ERMP1: variants seen among roughly 807,000 people sequenced by gnomAD.
ERMP1 encodes the protein Felix-ina.
In ERMP1, 86 loss-of-function variants were observed where a neutral mutation model predicts 92.0. The ratio of observed to expected loss-of-function variants is 0.93; its 90% CI spans 0.79 to 1.12. The LOEUF is 1.12. ERMP1 is among the 50% of genes most tolerant of loss of function. The probability of loss-of-function intolerance (pLI) is 0.00; values close to 1 mark genes in which losing one functional copy is unlikely to be tolerated. For missense variants in ERMP1, 1,342 were observed against 1,116.3 expected (o/e 1.20, Z -2.88); for synonymous variants, 530 against 412.8 (o/e 1.28, Z -3.44).
rs1829077194 is a variant in ERMP1 at position 5,811,191 on chromosome 9, A to G, written c.1247T>C (p.Ile416Thr). 6.2e-7 allele frequency: 1 copy of G among 1,614,140 alleles called. No homozygotes were observed. Among genetic ancestry groups the G allele is most frequent in the Admixed American group, 1.7e-5 (1 of 60,028 alleles). The stretch of plus-strand genomic sequence containing the variant: ...CACCATGTAGTTTATGATTGAGCCA[A>G]TACGAGAGGGGTAGGCAATGACAAA... ...GLFVIAYPSRIGSIINYMVVM... is the reference protein window; with the variant it reads ...GLFVIAYPSRTGSIINYMVVM... The change falls in exon 7 of 15, where the codon ATT becomes ACT. Residue 416 changes from isoleucine to threonine, a missense_variant. Coordinates refer to ENST00000339450, the MANE Select transcript of ERMP1 (RefSeq NM_024896.3).
intron 4 of ERMP1, 99 bp from the exon 5 acceptor site, chr9:5,813,134 T>C (rs1316473224): frequency 1.6e-6 from 2 of 1,283,296 alleles, no homozygotes; most frequent in African/African-American, 3.0e-5. Flanking sequence ...AGTGGTGGTT[T>C]TGGGAGACGG....
chr9:5,865,769 A>G (rs1412152095), intron 5 of ERMP1, among the ~76,000 whole-genome samples: 1 of 143,662 alleles, frequency 7.0e-6, no homozygotes, highest in East Asian at 2.2e-4. Flanking sequence ...AACTGGGAGG[A>G]GGAGGTTGCA....
intron 6 of ERMP1, among the ~76,000 whole-genome samples, chr9:5,851,343 A>G (rs1392448127): frequency 6.6e-6 from 1 of 152,166 alleles, no homozygotes; most frequent in African/African-American, 2.4e-5. Flanking sequence ...TTACAGAGAA[A>G]TGTCCTTTTT....
At chr9:5,816,600 T>C (rs1829315792) in intron 4 of ERMP1, among the ~76,000 whole-genome samples, 1 of 152,206 alleles carries the variant, frequency 6.6e-6, no homozygotes, top group Non-Finnish European at 1.5e-5. Context: ...ACACATCTTA[T>C]GACCCAGCGA....
intron 6 of ERMP1, among the ~76,000 whole-genome samples, chr9:5,850,696 T>G (rs948034826): frequency 4.6e-5 from 7 of 152,134 alleles, no homozygotes; most frequent in South Asian, 2.1e-4. Context: ...TTCAGTTAAT[T>G]TGGATGGTGC....
chr9:5,842,802 C>G (rs952679554), intron 6 of ERMP1, among the ~76,000 whole-genome samples: 1 of 152,228 alleles, frequency 6.6e-6, no homozygotes, highest in Non-Finnish European at 1.5e-5. Context: ...ATCAGGATTT[C>G]TGATCTCCGT....
At chr9:5,800,791 T>C (rs780675123) in intron 11 of ERMP1, among the ~76,000 whole-genome samples, 1 of 152,260 alleles carries the variant, frequency 6.6e-6, no homozygotes. Context: ...TTACTAGCAC[T>C]TCTAAACATC....
At chr9:5,805,266 G>A in intron 9 of ERMP1, 49 bp from the exon 10 acceptor site, 2 of 1,433,848 alleles carry the variant, frequency 1.4e-6, no homozygotes, top group Non-Finnish European at 9.5e-7. Flanking sequence ...CCTCCAGTGA[G>A]ATATAAATTT....
At chr9:5,793,395 CA>C (rs1356164277) in intron 13 of ERMP1, among the ~76,000 whole-genome samples, 34 of 151,666 alleles carry the variant, frequency 2.2e-4, no homozygotes. Flanking sequence ...GAAGAAAAAA[CA>C]AGGGCAACAA....
chr9:5,832,635 T>G, intron 1 of ERMP1, 55 bp downstream of exon 1: 1 of 1,310,078 alleles, frequency 7.6e-7, no homozygotes, highest in Non-Finnish European at 9.8e-7. Flanking sequence ...CCCCGGAGCC[T>G]GCGCAGGAGC....
At chr9:5,800,981 G>A (rs1828647141) in intron 11 of ERMP1, among the ~76,000 whole-genome samples, 195 bp downstream of exon 11, 1 of 152,148 alleles carries the variant, frequency 6.6e-6, no homozygotes, top group Non-Finnish European at 1.5e-5. Context: ...CAGTCTCCTG[G>A]GAGATATATG....
intron 10 of ERMP1, among the ~76,000 whole-genome samples, chr9:5,801,749 T>C (rs1317627456): frequency 6.6e-6 from 1 of 152,260 alleles, no homozygotes; most frequent in East Asian, 1.9e-4. Context: ...CTTTAAAATA[T>C]GTCAAAATAC....
intron 6 of ERMP1, among the ~76,000 whole-genome samples, chr9:5,841,656 T>C (rs1327320849): frequency 2.0e-5 from 3 of 152,166 alleles, no homozygotes; most frequent in Non-Finnish European, 4.4e-5. Flanking sequence ...CTGGGCATGG[T>C]GGCACGTGCC....
In ERMP1 at chr9:5,801,269, T is replaced by C. The variant is rs374052763; in HGVS notation, c.1974A>G (p.Val658=). ...AAACAAGGAGGAATGTAATTGCACA[T>C]ACCAAAGTTAAAGTTAGCATGGTTT... The part of the protein sequence containing the change: ...TKKTMLTLTL[V]CAITFLLVCS... Residue 658 remains valine (V), a synonymous_variant, in exon 11 of 15, where the codon GTA becomes GTG. Transcript: ENST00000339450. 3.2e-5 allele frequency: 52 copies of C among 1,613,588 alleles called. No individual in the cohort carries two copies. Among genetic ancestry groups the C allele is most frequent in the Non-Finnish European group, 4.4e-5 (52 of 1,179,802 alleles).
At chr9:5,846,672 A>G (rs1830238305) in intron 6 of ERMP1, among the ~76,000 whole-genome samples, 1 of 152,208 alleles carries the variant, frequency 6.6e-6, no homozygotes, top group South Asian at 2.1e-4. Context: ...GTTCATATTT[A>G]TTTCATCATG....
Position 5,805,732 on chromosome 9 carries a change from G to C in ERMP1, c.1602C>G (p.Val534=), listed in dbSNP as rs909430063. 2.5e-6 allele frequency: 4 copies of C among 1,611,708 alleles called. No homozygotes were observed. Among genetic ancestry groups the C allele is most frequent in the Non-Finnish European group, 1.7e-6 (2 of 1,179,244 alleles). ...TGAGGGTAACAAGAAAACAGCAATGGACAAACAGCGAAATGTCAAAAAATA... is the reference window on the plus strand; with the variant it reads ...TGAGGGTAACAAGAAAACAGCAATGCACAAACAGCGAAATGTCAAAAAATA... ...GEVFFDISLF[V]HCCFLVTLTY... The change falls in exon 9 of 15, where the codon GTC becomes GTG. Residue 534 remains valine, a synonymous_variant. Coordinates refer to ENST00000339450, the MANE Select transcript of ERMP1 (RefSeq NM_024896.3).
chr9:5,818,139 G>A (rs1480335239), intron 4 of ERMP1, among the ~76,000 whole-genome samples: 1 of 148,050 alleles, frequency 6.8e-6, no homozygotes, highest in Non-Finnish European at 1.5e-5. Context: ...CAGCCTAGAT[G>A]ACAAAGCAAG....
At chr9:5,842,446 A>G (rs1392173888) in intron 6 of ERMP1, among the ~76,000 whole-genome samples, 1 of 150,602 alleles carries the variant, frequency 6.6e-6, no homozygotes, top group Non-Finnish European at 1.5e-5. Flanking sequence ...AAAAAAAAAA[A>G]AAAAGAAAGA....
chr9:5,791,349 T>G, intron 13 of ERMP1: 1 of 455,340 alleles, frequency 2.2e-6, no homozygotes, highest in Non-Finnish European at 4.4e-6. Flanking sequence ...TTCCCTCTCC[T>G]TGGGGAAGGT....
Sources: gnomAD v4.1 joint callset for allele counts (sites outside exome capture counted in the v4.1 genomes callset) on GRCh38, gnomAD v4.1.1 for gene constraint, MANE v1.5 for transcripts, NCBI Gene and HGNC (gene_info 2026-07-23, HGNC 2026-07-21) for gene names.